CNBD1: variants seen among roughly 807,000 people sequenced by gnomAD.
CNBD1 encodes the protein cyclic nucleotide binding domain containing 1.
A neutral mutation model predicts 54.4 loss-of-function variants in CNBD1; 71 were observed. The observed-to-expected ratio is 1.30, with a 90% confidence interval of 1.08 to 1.59. The LOEUF (loss-of-function observed/expected upper bound fraction) is 1.59, where lower values mean the gene tolerates loss of function less well. CNBD1 is among the 40% of genes most tolerant of loss of function. The pLI is 0.00. For synonymous variants in CNBD1, 182 were observed against 170.7 expected (o/e 1.07, Z -0.51); for missense variants, 659 against 518.0 (o/e 1.27, Z -2.64).
intron 6 of CNBD1, among the ~76,000 whole-genome samples, chr8:87,263,440 C>T (rs754411067): frequency 6.6e-6 from 1 of 152,100 alleles, no homozygotes; most frequent in Non-Finnish European, 1.5e-5. Flanking sequence ...GACATGCTGG[C>T]TGGCTTTGGT....
At chr8:87,078,795 T>C (rs557278369) in intron 4 of CNBD1, among the ~76,000 whole-genome samples, 3 of 152,332 alleles carry the variant, frequency 2.0e-5, no homozygotes, top group African/African-American at 7.2e-5. Context: ...AGAATATAAA[T>C]AAAGTGATAT....
At chr8:86,962,805 AAAAAC>A (rs869244609) in intron 4 of CNBD1, among the ~76,000 whole-genome samples, 21 of 152,156 alleles carry the variant, frequency 1.4e-4, no homozygotes, top group African/African-American at 4.6e-4. Context: ...ACAAAAAACA[AAAAAC>A]AAAACAGAAG....
At chr8:86,913,344 C>T (rs116651789) in intron 3 of CNBD1, among the ~76,000 whole-genome samples, 1,536 of 152,122 alleles carry the variant, frequency 0.01, 27 homozygotes, top group African/African-American at 0.034. Flanking sequence ...TTAGCTCTAC[C>T]TTTTTTGTGT....
At chr8:87,137,025 A>AT (rs1215900480) in intron 4 of CNBD1, among the ~76,000 whole-genome samples, 1 of 107,500 alleles carries the variant, frequency 9.3e-6, no homozygotes, top group Non-Finnish European at 1.7e-5. Context: ...AATTATATAT[A>AT]TTATATTTAT....
In CNBD1 at chr8:87,163,666, T is replaced by C. The variant is rs1428944542; in HGVS notation, c.432-42327T>C. ...ATATTTGTAGGTTGATTTTGTTTCC[T>C]GCAAATTTATTGAATTTGCTTATTA... is the stretch of plus-strand genomic sequence containing the variant. On this transcript the variant is annotated intron_variant, in intron 4 of 10. Transcript: ENST00000518476. The surrounding 1 kb of genome is among the most constrained non-coding windows in gnomAD (Gnocchi z 4.5). Among the ~76,000 whole-genome samples, 3 of 151,952 alleles carry C rather than the reference T, an allele frequency of 2.0e-5. No homozygotes were observed. Among genetic ancestry groups the C allele is most frequent in the Admixed American group, 6.6e-5 (1 of 15,224 alleles).
In CNBD1 at chr8:87,326,558, C is replaced by A. The variant is rs879564841; in HGVS notation, c.1043-25127C>A. ...TCTCGCTTCATTTCATTCATTTCAT[C>A]TTCCATTGCTGATACCCTTTCTTCC... On this transcript the variant is annotated intron_variant, in intron 8 of 10. Coordinates refer to ENST00000518476, the MANE Select transcript of CNBD1 (RefSeq NM_173538.3). 1.9e-4 allele frequency among the ~76,000 whole-genome samples: 22 copies of A among 117,680 alleles called. 2 individuals carry two copies. Among genetic ancestry groups the A allele is most frequent in the Non-Finnish European group, 3.6e-4 (19 of 52,602 alleles). 77.2% of individuals were successfully genotyped at this position (117,680 alleles called of 152,430 possible).
intron 4 of CNBD1, among the ~76,000 whole-genome samples, chr8:86,964,857 G>A (rs184994384): frequency 6.6e-6 from 1 of 152,272 alleles, no homozygotes; most frequent in Non-Finnish European, 1.5e-5. Flanking sequence ...ATCCCACAAC[G>A]TTGGCAAAGA....
chr8:86,898,953 T>TA (rs1323125249), intron 2 of CNBD1, among the ~76,000 whole-genome samples: 1 of 151,818 alleles, frequency 6.6e-6, no homozygotes, highest in Non-Finnish European at 1.5e-5. Flanking sequence ...AAAATAGAAA[T>TA]AAAAAATGTG....
At chr8:87,428,016 G>A (rs1220865967) in intron 2 of CNBD1, among the ~76,000 whole-genome samples, 1 of 151,834 alleles carries the variant, frequency 6.6e-6, no homozygotes, top group Non-Finnish European at 1.5e-5. Flanking sequence ...TGTCTAAGCA[G>A]AATTATGAAT....
rs185089261 is a variant in CNBD1, at chr8:86,980,693, A to T, written c.431+40939A>T. Reference sequence around the variant, plus strand: ...TGTACTGGTATTAAGGGATTTGCAAAAATCTCAGGATGTAGACTAATAATA... The same window carrying T: ...TGTACTGGTATTAAGGGATTTGCAATAATCTCAGGATGTAGACTAATAATA... On this transcript the variant is annotated intron_variant, in intron 4 of 10. Transcript: ENST00000518476. 2.4e-3 allele frequency among the ~76,000 whole-genome samples: 362 copies of T among 152,346 alleles called. 2 individuals are homozygous for T. Among genetic ancestry groups the T allele is most frequent in the African/African-American group, 8.5e-3 (353 of 41,580 alleles).
At chr8:86,978,650 C>T (rs768022654) in intron 4 of CNBD1, among the ~76,000 whole-genome samples, 1 of 147,626 alleles carries the variant, frequency 6.8e-6, no homozygotes, top group African/African-American at 2.5e-5. Context: ...TCAAGCAATT[C>T]TCCTGCCTCA....
At chr8:87,290,783 G>T (rs1166206108) in intron 8 of CNBD1, among the ~76,000 whole-genome samples, 3 of 152,152 alleles carry the variant, frequency 2.0e-5, no homozygotes, top group Non-Finnish European at 2.9e-5. Flanking sequence ...AGTTAAAAAT[G>T]CAATCCCACT....
chr8:87,010,822 A>G (rs1047376470), intron 4 of CNBD1, among the ~76,000 whole-genome samples: 1 of 151,656 alleles, frequency 6.6e-6, no homozygotes, highest in Non-Finnish European at 1.5e-5. Context: ...CACTGAAAAC[A>G]TTTTTTTTTA....
chr8:86,939,301 T>C (rs1294876282), intron 3 of CNBD1, among the ~76,000 whole-genome samples: 6 of 152,154 alleles, frequency 3.9e-5, no homozygotes, highest in Non-Finnish European at 8.8e-5. Context: ...CTAAATAACA[T>C]AAGCCTAATA....
chr8:87,145,742 G>C (rs1812471654), intron 4 of CNBD1, among the ~76,000 whole-genome samples: 1 of 152,098 alleles, frequency 6.6e-6, no homozygotes, highest in Non-Finnish European at 1.5e-5. Flanking sequence ...CAACAAGAAA[G>C]AACAGAACAC....
At chr8:87,104,497 G>A (rs1365744876) in intron 4 of CNBD1, among the ~76,000 whole-genome samples, 1 of 152,186 alleles carries the variant, frequency 6.6e-6, no homozygotes, top group Non-Finnish European at 1.5e-5. Flanking sequence ...CTGGGAGGAG[G>A]AGACAAATAT....
rs534804969 is a variant in CNBD1, at chr8:87,021,966, A to T, written c.431+82212A>T. ...ATAGATAAGTATTTTTATGAAAAAT[A>T]ATTTATTTATATCAGAAATGACAGT... is the stretch of plus-strand genomic sequence containing the variant. On this transcript the variant is annotated intron_variant, in intron 4 of 10. Coordinates refer to ENST00000518476, the MANE Select transcript of CNBD1 (RefSeq NM_173538.3). 2.7e-3 allele frequency among the ~76,000 whole-genome samples: 410 copies of T among 152,296 alleles called. 1 individual carries two copies. Among genetic ancestry groups the T allele is most frequent in the African/African-American group, 9.0e-3 (372 of 41,534 alleles).
chr8:87,252,404 T>C (rs1222988446), intron 6 of CNBD1, among the ~76,000 whole-genome samples: 2 of 152,224 alleles, frequency 1.3e-5, no homozygotes, highest in African/African-American at 4.8e-5. Flanking sequence ...TATTTTTACA[T>C]GAAGAAAGAC....
chr8:87,301,922 C>T (rs905609537), intron 8 of CNBD1, among the ~76,000 whole-genome samples: 2 of 152,118 alleles, frequency 1.3e-5, no homozygotes, highest in African/African-American at 4.8e-5. Flanking sequence ...CATATACCCG[C>T]CCAAGATTAA....
Sources: gnomAD v4.1 joint callset for allele counts (sites outside exome capture counted in the v4.1 genomes callset) on GRCh38, gnomAD v4.1.1 for gene constraint, Gnocchi (gnomAD v3.1) non-coding constraint, MANE v1.5 for transcripts, NCBI Gene and HGNC (gene_info 2026-07-23, HGNC 2026-07-21) for gene names.